CCSER1: variants seen among roughly 807,000 people sequenced by gnomAD.
CCSER1 encodes the protein serine-rich coiled-coil domain-containing protein 1.
A neutral mutation model predicts 82.0 loss-of-function variants in CCSER1; 41 were observed. That is an observed-to-expected ratio of 0.50 (90% confidence interval 0.39 to 0.65). CCSER1 has a LOEUF of 0.65. Among genes scored for constraint, CCSER1 ranks in the 30% least tolerant of loss-of-function variants. The pLI, the probability that CCSER1 is intolerant of heterozygous loss-of-function variation, is 0.00. For synonymous variants in CCSER1, 414 were observed against 383.9 expected, an observed-to-expected ratio of 1.08 and a Z score of -0.92; for missense variants, 1,119 against 1,064.2, an observed-to-expected ratio of 1.05 and a Z score of -0.72.
rs535401191 is a variant in CCSER1, at chr4:91,575,821, A to G, written c.2218-22751A>G. On this transcript the variant is annotated intron_variant, in intron 10 of 10. Coordinates refer to ENST00000509176, the MANE Select transcript of CCSER1 (RefSeq NM_001145065.2). ...CAGTAAAATACCTCGAACATTTTAGAATGACTATTATAAAAAAGACAAAAT... is the reference window on the plus strand; with the variant it reads ...CAGTAAAATACCTCGAACATTTTAGGATGACTATTATAAAAAAGACAAAAT... 9.2e-5 allele frequency among the ~76,000 whole-genome samples: 14 copies of G among 152,088 alleles called. No homozygotes were observed. In the East Asian group the frequency reaches 2.7e-3, roughly 29 times the overall value.
At chr4:90,436,190 A>G (rs375826026) in intron 4 of CCSER1, among the ~76,000 whole-genome samples, 2 of 152,158 alleles carry the variant, frequency 1.3e-5, no homozygotes, top group Non-Finnish European at 2.9e-5. Flanking sequence ...ACTTAGGTAT[A>G]CTAGCATAAT....
chr4:90,827,105 A>C lies in CCSER1; in HGVS notation c.2094+11260A>C, dbSNP rs181623288. 8.9e-3 allele frequency among the ~76,000 whole-genome samples: 1,363 copies of C among 152,328 alleles called. 20 individuals carry two copies. Among genetic ancestry groups the C allele is most frequent in the African/African-American group, 0.031 (1,277 of 41,586 alleles). Reference sequence around the variant, plus strand: ...TGAGAGCTGGAAAGTCACAGATAGAAGGCTACTTGAATTAAGGTGTTGAGC... The same window carrying C: ...TGAGAGCTGGAAAGTCACAGATAGACGGCTACTTGAATTAAGGTGTTGAGC... On this transcript the variant is annotated intron_variant, in intron 8 of 10. Transcript: ENST00000509176.
chr4:90,664,173 A>G (rs545715382), intron 6 of CCSER1, among the ~76,000 whole-genome samples: 11 of 152,346 alleles, frequency 7.2e-5, no homozygotes, highest in Admixed American at 1.3e-4. Flanking sequence ...TAGAAATTTC[A>G]TAATAGAAAT....
intron 9 of CCSER1, among the ~76,000 whole-genome samples, chr4:91,016,398 C>T (rs945611369): frequency 6.6e-6 from 1 of 151,896 alleles, no homozygotes; most frequent in African/African-American, 2.4e-5. Flanking sequence ...ATTCCTTGCA[C>T]ATTTTAAATA....
At chr4:91,278,915 T>A (rs1481738980) in intron 10 of CCSER1, among the ~76,000 whole-genome samples, 2 of 152,158 alleles carry the variant, frequency 1.3e-5, no homozygotes, top group African/African-American at 4.8e-5. Context: ...CATTCCCACG[T>A]GTAGAACTCC....
chr4:91,181,175 T>TG lies in CCSER1; in HGVS notation c.2217+95187dup, dbSNP rs368111641. Among the ~76,000 whole-genome samples, 1,222 of 152,330 alleles carry TG rather than the reference T, an allele frequency of 8.0e-3. 52 individuals carry two copies. The highest frequency in any genetic ancestry group is 0.067 in the Admixed American group (1,024 of 15,308). On this transcript the variant is annotated intron_variant, in intron 10 of 10. Coordinates refer to ENST00000509176, the MANE Select transcript of CCSER1 (RefSeq NM_001145065.2). ...TTGGGGCCAGTTTATGGCCAGATTT[T>TG]GGGGGGCCTGCTCCCACCATGTCCC...
At chr4:91,101,898 T>TA (rs1335410937) in intron 10 of CCSER1, among the ~76,000 whole-genome samples, 3 of 152,192 alleles carry the variant, frequency 2.0e-5, no homozygotes, top group African/African-American at 7.2e-5. Context: ...TGAAGTTGAT[T>TA]AAATAATCAA....
intron 6 of CCSER1, among the ~76,000 whole-genome samples, chr4:90,630,656 T>C (rs1276788622): frequency 6.6e-6 from 1 of 152,012 alleles, no homozygotes; most frequent in African/African-American, 2.4e-5. Context: ...ACAGTTCTAC[T>C]AAGAAGATAT....
At chr4:90,684,230 G>A (rs1032802754) in intron 6 of CCSER1, among the ~76,000 whole-genome samples, 12 of 152,054 alleles carry the variant, frequency 7.9e-5, no homozygotes, top group African/African-American at 2.9e-4. Context: ...TTGTATCTAG[G>A]AAATAATGAG....
At chr4:91,561,349 T>G (rs1317216193) in intron 10 of CCSER1, among the ~76,000 whole-genome samples, 1 of 151,472 alleles carries the variant, frequency 6.6e-6, no homozygotes, top group Non-Finnish European at 1.5e-5. Context: ...GATTCTGAAG[T>G]CTTTTACAAA....
intron 5 of CCSER1, among the ~76,000 whole-genome samples, chr4:90,552,353 C>T (rs760723528): frequency 1.3e-5 from 2 of 152,060 alleles, no homozygotes; most frequent in African/African-American, 2.4e-5. Flanking sequence ...CACAAACATT[C>T]ATAAAGATTA....
intron 4 of CCSER1, among the ~76,000 whole-genome samples, chr4:90,431,456 G>A (rs1458741599): frequency 2.0e-5 from 3 of 152,058 alleles, no homozygotes; most frequent in Non-Finnish European, 4.4e-5. Context: ...TGTGGGGAAA[G>A]TCTCCTGTTA....
chr4:91,015,508 A>C (rs2150512713), intron 9 of CCSER1: 1 of 152,072 alleles, frequency 6.6e-6, no homozygotes, highest in South Asian at 2.1e-4. Context: ...TGAAATTATA[A>C]AAGTTTTATT....
At position 90,966,113 on chromosome 4, in the gene CCSER1, A is replaced by T. The variant is rs371549313; in HGVS notation, c.2172+42666A>T. ...AATAAAAATGAACAGAGACTCAGAA[A>T]CCTGTAAAAACGCTGTGAAGTGTAT... On this transcript the variant is annotated intron_variant, in intron 9 of 10. Coordinates refer to ENST00000509176, the MANE Select transcript of CCSER1 (RefSeq NM_001145065.2). Among the ~76,000 whole-genome samples, 7 of 152,262 alleles carry T rather than the reference A, an allele frequency of 4.6e-5. No homozygotes were observed. The East Asian group carries it at 1.3e-3, about 29-fold the overall frequency.
chr4:90,491,504 T>C (rs1303808041), intron 5 of CCSER1, among the ~76,000 whole-genome samples: 1 of 152,158 alleles, frequency 6.6e-6, no homozygotes, highest in African/African-American at 2.4e-5. Flanking sequence ...TGAATACCCT[T>C]TATTTCTTTC....
chr4:90,870,562 T>A (rs1025563099), intron 8 of CCSER1, among the ~76,000 whole-genome samples: 2 of 151,894 alleles, frequency 1.3e-5, no homozygotes, highest in Non-Finnish European at 2.9e-5. Flanking sequence ...AATGATCTTT[T>A]TAATGTGTTG....
intron 4 of CCSER1, among the ~76,000 whole-genome samples, chr4:90,444,149 T>C (rs1760293005): frequency 1.3e-5 from 2 of 152,044 alleles, no homozygotes; most frequent in Admixed American, 1.3e-4. Context: ...TGCTTCCTTT[T>C]ATCTTTTGAG....
At chr4:90,192,305 A>G (rs188290376) in intron 1 of CCSER1, among the ~76,000 whole-genome samples, 7 of 152,144 alleles carry the variant, frequency 4.6e-5, no homozygotes, top group East Asian at 3.9e-4. Flanking sequence ...CCATGATTCA[A>G]TCACCTCCCA....
chr4:91,537,373 G>C (rs1761349708), intron 10 of CCSER1, among the ~76,000 whole-genome samples: 1 of 152,024 alleles, frequency 6.6e-6, no homozygotes, highest in African/African-American at 2.4e-5. Context: ...TTTTAAAAAA[G>C]TATTTAGCAC....
Sources: allele counts gnomAD v4.1 joint callset (sites outside exome capture counted in the v4.1 genomes callset), GRCh38; gene constraint gnomAD v4.1.1; transcripts MANE v1.5; gene names NCBI Gene and HGNC (gene_info 2026-07-23, HGNC 2026-07-21).